The following FAAH2 variants were observed in gnomAD, a reference collection of about 807,000 sequenced individuals.
FAAH2 encodes fatty-acid amide hydrolase 2.
A neutral mutation model predicts 36.9 loss-of-function variants in FAAH2; 60 were observed. That is an observed-to-expected ratio of 1.63 (90% CI 1.32 to 2.02). The LOEUF (loss-of-function observed/expected upper bound fraction) is 2.02, where lower values mean the gene tolerates loss of function less well. FAAH2 is among the 30% of genes most tolerant of loss of function. The pLI, the probability that FAAH2 is intolerant of heterozygous loss-of-function variation, is 0.00. For missense variants in FAAH2, 689 were observed against 397.5 expected, an observed-to-expected ratio of 1.73 and a Z score of -6.23; for synonymous variants, 214 against 143.8, an observed-to-expected ratio of 1.49 and a Z score of -3.49.
intron 8 of FAAH2, among the ~76,000 whole-genome samples, chrX:57,445,357 G>T (rs1255627607): frequency 2.7e-5 from 3 of 111,602 alleles, no homozygotes; most frequent in Non-Finnish European, 5.6e-5. Context: ...GAAGGAGTCT[G>T]TTTTTATGCT....
At chrX:57,187,627 C>T in the FAAH2 span, among the ~76,000 whole-genome samples, 4 of 111,164 alleles carry the variant, frequency 3.6e-5, no homozygotes, top group African/African-American at 1.3e-4. Flanking sequence ...TGAGAGAGGG[C>T]GTCCTTATCT....
intron 10 of FAAH2, among the ~76,000 whole-genome samples, chrX:57,478,292 G>C (rs891543579): frequency 9.0e-6 from 1 of 111,535 alleles, no homozygotes; most frequent in Non-Finnish European, 1.9e-5. Flanking sequence ...GTCTTCTTTT[G>C]AGAAGTGTCT....
intron 5 of FAAH2, among the ~76,000 whole-genome samples, chrX:57,369,602 A>C (rs1387658780): frequency 1.8e-5 from 2 of 111,885 alleles, no homozygotes; most frequent in Non-Finnish European, 3.8e-5. Context: ...TAAAAATGCC[A>C]TACCCAACAA....
intron 4 of FAAH2, among the ~76,000 whole-genome samples, chrX:57,332,021 G>A (rs941709960): frequency 2.7e-5 from 3 of 111,653 alleles, no homozygotes; most frequent in Admixed American, 9.6e-5. Context: ...GAAGTAGCCA[G>A]CAAAGGGAAT....
the FAAH2 span, among the ~76,000 whole-genome samples, chrX:57,223,624 A>C: frequency 5.4e-5 from 6 of 111,475 alleles, no homozygotes; most frequent in South Asian, 2.3e-3. Flanking sequence ...GCCCAGGGCC[A>C]GGTACCCAGG....
chrX:57,351,912 C>T lies in FAAH2; in HGVS notation c.742+10522C>T, dbSNP rs77568654. On this transcript the variant is annotated intron_variant, in intron 5 of 10. Coordinates refer to ENST00000374900, the MANE Select transcript of FAAH2 (RefSeq NM_174912.4). ...TAAATAAAGAACTATACCAATCATA[C>T]TGATATTATTCCAAAAACTTGAAAA... 1.1e-4 allele frequency among the ~76,000 whole-genome samples: 11 copies of T among 101,677 alleles called. No individual in the cohort carries two copies. In the East Asian group the frequency reaches 3.5e-3, roughly 32 times the overall value. 88.3% of individuals were successfully genotyped at this position (101,677 alleles called of 115,157 possible). A position where few individuals can be genotyped will look rare whatever the true frequency, so the allele number is the denominator to read the frequency against.
At chrX:57,276,083 T>A in the FAAH2 span, among the ~76,000 whole-genome samples, 1 of 111,679 alleles carries the variant, frequency 9.0e-6, no homozygotes, top group African/African-American at 3.3e-5. Context: ...CTAATAGACA[T>A]CTACAGAACT....
the FAAH2 span, among the ~76,000 whole-genome samples, chrX:57,203,347 C>A: frequency 5.3e-5 from 6 of 112,294 alleles, no homozygotes; most frequent in Non-Finnish European, 9.4e-5. Context: ...GGTTCAGGAA[C>A]ACTTTTAAGC....
intron 10 of FAAH2, among the ~76,000 whole-genome samples, chrX:57,472,170 G>T (rs1262055445): frequency 8.9e-6 from 1 of 111,831 alleles, no homozygotes; most frequent in Non-Finnish European, 1.9e-5. Flanking sequence ...TACCATTCAA[G>T]ACATAGGCAT....
In FAAH2 at chrX:57,348,983, C is replaced by T. The variant is rs760909347; in HGVS notation, c.742+7593C>T. ...CCATTTAAAGAATCCAAAATAAAGA[C>T]GCTCAGTGAGATGCAAGAGAAGTCT... On this transcript the variant is annotated intron_variant, in intron 5 of 10. Coordinates refer to ENST00000374900, the MANE Select transcript of FAAH2 (RefSeq NM_174912.4). 1.4e-4 allele frequency among the ~76,000 whole-genome samples: 15 copies of T among 103,943 alleles called. No individual in the cohort carries two copies. The South Asian group carries it at 2.5e-3, about 17-fold the overall frequency. 90.3% of individuals were successfully genotyped at this position (103,943 alleles called of 115,157 possible).
chrX:57,189,570 G>T, the FAAH2 span, among the ~76,000 whole-genome samples: 1 of 110,325 alleles, frequency 9.1e-6, no homozygotes, highest in Non-Finnish European at 1.9e-5. Flanking sequence ...TGGGGTTTCT[G>T]TGTGGGGGTC....
At chrX:57,255,947 A>G in the FAAH2 span, among the ~76,000 whole-genome samples, 1 of 111,931 alleles carries the variant, frequency 8.9e-6, no homozygotes, top group Non-Finnish European at 1.9e-5. Context: ...AAGAGAAAGC[A>G]ATAAAGGGTA....
chrX:57,463,989 A>G (rs1196706106), intron 10 of FAAH2, among the ~76,000 whole-genome samples: 1 of 112,040 alleles, frequency 8.9e-6, no homozygotes, highest in Non-Finnish European at 1.9e-5. Flanking sequence ...ACTAGCAAAA[A>G]CTTGGAATCA....
At chrX:57,359,198 C>T (rs1335981154) in intron 5 of FAAH2, among the ~76,000 whole-genome samples, 2 of 110,958 alleles carry the variant, frequency 1.8e-5, no homozygotes, top group East Asian at 2.8e-4. Flanking sequence ...CCTTCACTAC[C>T]CTTACCAGCC....
At chrX:57,238,900 T>C in the FAAH2 span, among the ~76,000 whole-genome samples, 1 of 112,227 alleles carries the variant, frequency 8.9e-6, no homozygotes, top group African/African-American at 3.2e-5. Flanking sequence ...AGGTTTTCTG[T>C]TTCTGTGTTA....
At chrX:57,393,063 G>T in intron 7 of FAAH2, 1 of 921,428 alleles carries the variant, frequency 1.1e-6, no homozygotes, top group South Asian at 2.0e-5. Context: ...CAGGGCTAAG[G>T]TACCCTTGCC....
the FAAH2 span, among the ~76,000 whole-genome samples, chrX:57,175,983 T>C: frequency 8.9e-6 from 1 of 111,796 alleles, no homozygotes; most frequent in Non-Finnish European, 1.9e-5. Flanking sequence ...TCTGATGCTT[T>C]TGTCTCACTG....
intron 7 of FAAH2, among the ~76,000 whole-genome samples, chrX:57,401,770 C>T (rs1259446968): frequency 9.0e-6 from 1 of 111,264 alleles, no homozygotes; most frequent in Non-Finnish European, 1.9e-5. Context: ...GTTGCCCAGG[C>T]TTCAGGATTA....
chrX:57,488,892 A>G lies in FAAH2; in HGVS notation c.1559A>G (p.Glu520Gly), dbSNP rs1171577627. 1 of 1,210,747 alleles carries G rather than the reference A, an allele frequency of 8.3e-7. No individual in the cohort carries two copies. Among genetic ancestry groups the G allele is most frequent in the Admixed American group, 2.2e-5 (1 of 45,836 alleles). The change falls in exon 11 of 11, where the codon GAG (glutamate) becomes GGG (glycine). Residue 520 changes from glutamate to glycine, a missense_variant. Glu to Gly is a moderately conservative substitution (Grantham distance 98). Transcript: ENST00000374900. Reference sequence around the variant, plus strand: ...ACCCTGGCTGTGGCCCAGTACTTGGAGAAAACTTTTGGGGGCTGGGTCTGT... The same window carrying G: ...ACCCTGGCTGTGGCCCAGTACTTGGGGAAAACTTTTGGGGGCTGGGTCTGT... ...HLTLAVAQYL[E>G]KTFGGWVCPG... is the part of the protein sequence containing the mutation.
Sources: allele counts gnomAD v4.1 joint callset (sites outside exome capture counted in the v4.1 genomes callset), GRCh38; gene constraint gnomAD v4.1.1; transcripts MANE v1.5; gene names NCBI Gene and HGNC (gene_info 2026-07-23, HGNC 2026-07-21).